Variants in COL4A2 observed in about 807,000 individuals in gnomAD.
The protein encoded by COL4A2 is collagen type IV alpha 2 chain.
In COL4A2, 99 loss-of-function variants were observed where a neutral mutation model predicts 200.2. The ratio of observed to expected loss-of-function variants is 0.49; its 90% CI spans 0.42 to 0.58. The LOEUF (loss-of-function observed/expected upper bound fraction) is 0.58. Among genes scored for constraint, COL4A2 ranks in the 20% least tolerant of loss-of-function variants. COL4A2 has a pLI of 0.00. For synonymous variants in COL4A2, 897 were observed against 900.6 expected, an observed-to-expected ratio of 1.00 and a Z score of 0.07; for missense variants, 1,950 against 2,314.1, an observed-to-expected ratio of 0.84 and a Z score of 3.23.
chr13:110,458,649 A>G, intron 21 of COL4A2, 122 bp from the exon 22 acceptor site: 1 of 1,183,878 alleles, frequency 8.4e-7, no homozygotes. Context: ...TGCCCATCAG[A>G]ACAGGCAGTG....
chr13:110,504,373 G>T (rs1883768981), intron 45 of COL4A2, 109 bp downstream of exon 45: 1 of 876,118 alleles, frequency 1.1e-6, no homozygotes, highest in African/African-American at 1.7e-5. Context: ...AGCCAGAAAT[G>T]AGGCGCTGCC....
chr13:110,451,754 G>A lies in COL4A2; in HGVS notation c.1339+1300G>A, dbSNP rs534967804. 2.6e-4 allele frequency among the ~76,000 whole-genome samples: 40 copies of A among 152,296 alleles called. No individual in the cohort carries two copies. In the South Asian group the frequency reaches 6.4e-3, roughly 24 times the overall value. On this transcript the variant is annotated intron_variant, in intron 20 of 47. Coordinates refer to ENST00000360467, the MANE Select transcript of COL4A2 (RefSeq NM_001846.4). ...TTCAGTGGGGACACAAAACCTAACC[G>A]TATCACCAGCTAACATTAGTGTTAG...
intron 3 of COL4A2, among the ~76,000 whole-genome samples, chr13:110,314,566 C>T (rs1340706716): frequency 6.6e-6 from 1 of 152,204 alleles, no homozygotes; most frequent in Admixed American, 6.5e-5. Context: ...GGAGTTTCTG[C>T]AGCACCACAT....
At chr13:110,402,105 C>A (rs1879393178) in intron 4 of COL4A2, among the ~76,000 whole-genome samples, 1 of 152,198 alleles carries the variant, frequency 6.6e-6, no homozygotes, top group South Asian at 2.1e-4. Context: ...AAAATACATT[C>A]ATTCCATTCT....
At chr13:110,417,646 G>C (rs1880094425) in intron 4 of COL4A2, among the ~76,000 whole-genome samples, 1 of 152,124 alleles carries the variant, frequency 6.6e-6, no homozygotes. Flanking sequence ...AGTCCTGGCA[G>C]CCACTCATCT....
At chr13:110,497,778 C>T (rs940983602) in intron 40 of COL4A2, among the ~76,000 whole-genome samples, 3,246 of 135,986 alleles carry the variant, frequency 0.024, 743 homozygotes, top group African/African-American at 0.034. Flanking sequence ...GCAGCACAGC[C>T]TCAGTCAGGG....
intron 4 of COL4A2, among the ~76,000 whole-genome samples, chr13:110,393,419 C>T (rs1014788652): frequency 6.6e-6 from 1 of 152,018 alleles, no homozygotes; most frequent in African/African-American, 2.4e-5. Flanking sequence ...GAATACAATC[C>T]AGTATAATGT....
chr13:110,478,615 G>A (rs912081788), intron 30 of COL4A2, among the ~76,000 whole-genome samples: 2 of 152,120 alleles, frequency 1.3e-5, no homozygotes, highest in African/African-American at 2.4e-5. Flanking sequence ...GGCAGAGGTG[G>A]CCCAGAAGGC....
At chr13:110,379,162 G>C (rs1257590730) in intron 4 of COL4A2, among the ~76,000 whole-genome samples, 6 of 152,184 alleles carry the variant, frequency 3.9e-5, no homozygotes, top group Non-Finnish European at 8.8e-5. Flanking sequence ...GGCACTTTTG[G>C]TTGTCATACT....
intron 3 of COL4A2, among the ~76,000 whole-genome samples, chr13:110,314,077 G>T (rs1024802276): frequency 3.3e-5 from 5 of 152,252 alleles, no homozygotes; most frequent in African/African-American, 1.2e-4. Flanking sequence ...AAAAACTGGT[G>T]AGATTCTAGC....
intron 12 of COL4A2, among the ~76,000 whole-genome samples, 158 bp downstream of exon 12, chr13:110,434,600 G>A (rs993774482): frequency 1.3e-5 from 2 of 152,348 alleles, no homozygotes; most frequent in East Asian, 1.9e-4. Context: ...CAAAGTGCTA[G>A]GTTGTCACCT....
At chr13:110,321,576 A>G (rs1566471984) in intron 3 of COL4A2, among the ~76,000 whole-genome samples, 1 of 152,188 alleles carries the variant, frequency 6.6e-6, no homozygotes, top group Non-Finnish European at 1.5e-5. Context: ...GGAATCAGGC[A>G]GTGTTTGTCC....
intron 18 of COL4A2, among the ~76,000 whole-genome samples, chr13:110,448,176 A>G (rs868004833): frequency 5.9e-5 from 9 of 152,030 alleles, no homozygotes; most frequent in Middle Eastern, 3.2e-3. Flanking sequence ...CTTTGACTTG[A>G]CTCATTATTA....
Position 110,428,504 on chromosome 13 carries a change from G to T in COL4A2, c.398G>T (p.Gly133Val), listed in dbSNP as rs199551935. ...CAAGGTGGGCCCAGGGGAAGGCCGG[G>T]CTACGATGGCTGCAACGGAACCCAG... Reference protein sequence around the residue: ...PGQGGPRGRPGYDGCNGTQGD... With the variant: ...PGQGGPRGRPVYDGCNGTQGD... Residue 133 changes from glycine (G) to valine (V), a missense_variant, in exon 7 of 48, where the codon GGC (glycine) becomes GTC (valine). Transcript: ENST00000360467. 5.2e-5 allele frequency: 82 copies of T among 1,586,080 alleles called. No individual in the cohort carries two copies. In the African/African-American group the frequency reaches 1.1e-3, roughly 21 times the overall value.
chr13:110,423,004 G>A (rs1443285591), intron 4 of COL4A2, among the ~76,000 whole-genome samples: 1 of 148,836 alleles, frequency 6.7e-6, no homozygotes, highest in Non-Finnish European at 1.5e-5. Flanking sequence ...GTTACCTAGA[G>A]GCAACAGAAG....
At chr13:110,356,044 C>T (rs11619057) in intron 3 of COL4A2, among the ~76,000 whole-genome samples, 16,532 of 152,142 alleles carry the variant, frequency 0.11, 992 homozygotes, top group Middle Eastern at 0.22. Flanking sequence ...CATCTCAAAA[C>T]GTTTAATACT....
rs183349449 is a variant in COL4A2, at chr13:110,343,007, G to A, written c.100-14465G>A. On this transcript the variant is annotated intron_variant, in intron 3 of 47. Transcript: ENST00000360467. The stretch of plus-strand genomic sequence containing the variant: ...TCACACTCAGGAGACTCTAAAAATC[G>A]TGCTCAAACCTAAAAATGTGTGCAT... Among the ~76,000 whole-genome samples, 78 of 152,306 alleles carry A rather than the reference G, an allele frequency of 5.1e-4. 1 individual carries two copies. The Middle Eastern group carries it at 0.017, about 33-fold the overall frequency.
intron 4 of COL4A2, among the ~76,000 whole-genome samples, chr13:110,413,553 A>T (rs1879929415): frequency 6.6e-6 from 1 of 152,188 alleles, no homozygotes; most frequent in Non-Finnish European, 1.5e-5. Context: ...CATGGCCCTG[A>T]GGTTCCAGAG....
In COL4A2 at chr13:110,508,207, T is replaced by C; in HGVS notation, c.4867T>C (p.Tyr1623His). 6.2e-7 allele frequency: 1 copy of C among 1,614,064 alleles called. No homozygotes were observed. The highest frequency in any genetic ancestry group is 8.5e-7 in the Non-Finnish European group (1 of 1,179,890). ...PAGWRSLWIG[Y>H]SFLMHTAAGD... ...TGGGTGGCGGAGTTTGTGGATCGGA[T>C]ATTCCTTCCTCATGGTATGTGGTAT... The change falls in exon 47 of 48, where the codon TAT becomes CAT. Residue 1623 changes from tyrosine to histidine, a missense_variant. By Grantham distance (83) the Tyr-to-His change is moderately conservative (BLOSUM62 2). Transcript: ENST00000360467. The surrounding 1 kb of genome is among the most constrained non-coding windows in gnomAD (Gnocchi z 6.1).
Sources: allele counts gnomAD v4.1 joint callset (sites outside exome capture counted in the v4.1 genomes callset), GRCh38; gene constraint gnomAD v4.1.1; non-coding constraint Gnocchi (gnomAD v3.1); transcripts MANE v1.5; gene names NCBI Gene and HGNC (gene_info 2026-07-23, HGNC 2026-07-21).